MIR17HG: variants seen among roughly 807,000 people sequenced by gnomAD.
MIR17HG encodes miR-17-92a-1 cluster host gene, also known as MIR17 host gene (non-protein coding).
chr13:91,350,327 TGGGAGA>T, intron 3 of MIR17HG: 1 of 269,966 alleles, frequency 3.7e-6, no homozygotes, highest in South Asian at 4.0e-5. Flanking sequence ...TCAATCCATT[TGGGAGA>T]GGCCAGCCAT....
At chr13:91,349,987 G>A (rs1173013932) in intron 2 of MIR17HG, 1 of 152,468 alleles carries the variant, frequency 6.6e-6, no homozygotes, top group Non-Finnish European at 1.5e-5. Flanking sequence ...TTTGGAAACT[G>A]GCTTATGCAG....
intron 1 of MIR17HG, among the ~76,000 whole-genome samples, chr13:91,349,403 G>A (rs773437417): frequency 1.6e-4 from 24 of 152,122 alleles, no homozygotes; most frequent in Non-Finnish European, 2.9e-4. Flanking sequence ...CCTTTTACTG[G>A]AGCTGTACAG....
At chr13:91,350,698 G>A (rs374971257) in intron 3 of MIR17HG, 9 of 533,938 alleles carry the variant, frequency 1.7e-5, no homozygotes, top group Non-Finnish European at 2.3e-5. Flanking sequence ...CAGCTGCCTC[G>A]GGAAGCCAAG....
intron 3 of MIR17HG, chr13:91,351,376 G>A (rs1355906315): frequency 1.9e-6 from 1 of 522,580 alleles, no homozygotes. Flanking sequence ...CACTTGTCCC[G>A]GCCTGTTGAG....
At chr13:91,349,001 C>A (rs1875130600) in intron 1 of MIR17HG, among the ~76,000 whole-genome samples, 1 of 149,096 alleles carries the variant, frequency 6.7e-6, no homozygotes, top group Non-Finnish European at 1.5e-5. Context: ...CGCCGGTCGC[C>A]GCGCGGCTGC....
At chr13:91,352,884 G>C (rs1271117159) in intron 3 of MIR17HG, among the ~76,000 whole-genome samples, 2 of 151,928 alleles carry the variant, frequency 1.3e-5, no homozygotes, top group Non-Finnish European at 2.9e-5. Flanking sequence ...TGAGGCAGAC[G>C]GATTACCTGA....
At chr13:91,353,259 T>C (rs1390753959) in intron 3 of MIR17HG, among the ~76,000 whole-genome samples, 3 of 152,156 alleles carry the variant, frequency 2.0e-5, no homozygotes, top group Non-Finnish European at 2.9e-5. Flanking sequence ...TTCTTAAATA[T>C]TCTAAAATGT....
chr13:91,348,048 C>G (rs1474689112), intron 1 of MIR17HG: 2 of 149,776 alleles, frequency 1.3e-5, no homozygotes, highest in African/African-American at 2.4e-5. Context: ...CCGGGGCGGA[C>G]TGGCCCGGGG....
chr13:91,349,027 T>TG (rs148606845), intron 1 of MIR17HG, among the ~76,000 whole-genome samples: 1,666 of 151,126 alleles, frequency 0.011, 32 homozygotes, highest in African/African-American at 0.039. Flanking sequence ...GGAAACGGGT[T>TG]GGGGGGGTTG....
chr13:91,353,780 CTTTT>C (rs60480664), intron 3 of MIR17HG, among the ~76,000 whole-genome samples: 1 of 137,132 alleles, frequency 7.3e-6, no homozygotes. Flanking sequence ...AATGGGTCAA[CTTTT>C]TTTTTTTTTT....
chr13:91,351,473 A>T, intron 3 of MIR17HG: 2 of 432,270 alleles, frequency 4.6e-6, no homozygotes, highest in South Asian at 3.5e-5. Flanking sequence ...AAGATACATG[A>T]AATATTAAAG....
intron 3 of MIR17HG, chr13:91,350,319 A>G (rs1182516208): frequency 4.1e-6 from 1 of 244,568 alleles, no homozygotes; most frequent in Non-Finnish European, 8.3e-6. Context: ...TCTATGTGTC[A>G]ATCCATTTGG....
chr13:91,351,021 T>G (rs755002909), intron 3 of MIR17HG: 3 of 528,488 alleles, frequency 5.7e-6, no homozygotes, highest in Non-Finnish European at 1.2e-5. Flanking sequence ...ACTTTTATTG[T>G]GTCGATGTAG....
At chr13:91,351,829 G>A (rs527793718) in intron 3 of MIR17HG, 1 of 159,872 alleles carries the variant, frequency 6.3e-6, no homozygotes, top group African/African-American at 2.4e-5. Flanking sequence ...GTTTTTTTAA[G>A]CATGGAATTT....
In MIR17HG at chr13:91,348,094, C is replaced by T. The variant is rs555272991; in HGVS notation, n.140+135C>T. The T allele has an allele frequency of 8.5e-5, 12 of 141,486 alleles. No homozygotes were observed. In the South Asian group the frequency reaches 2.1e-3, roughly 25 times the overall value. The allele number at this position is 141,486 out of a possible 1,614,324, so 8.8% of individuals were successfully genotyped here. On this transcript the variant is annotated intron_variant and non_coding_transcript_variant, in intron 1 of 3. Transcript: ENST00000400282. ...GCGGCGGCGTGGCCGGGGCGGGTCT[C>T]GGCCGTTGGCCGCCCCGGCGTGTGG...
chr13:91,354,131 A>C (rs1875458070), exon 4 of MIR17HG: 1 of 152,370 alleles, frequency 6.6e-6, no homozygotes, highest in African/African-American at 2.4e-5. Flanking sequence ...AGAGCCTCTC[A>C]ACTGAGCAGT....
intron 3 of MIR17HG, chr13:91,351,292 A>G (rs1566344733): frequency 1.9e-6 from 1 of 531,652 alleles, no homozygotes. Context: ...AGTCTGTAGA[A>G]AAGTAAGGGA....
At chr13:91,352,739 GC>G (rs563834652) in intron 3 of MIR17HG, among the ~76,000 whole-genome samples, 66 of 152,278 alleles carry the variant, frequency 4.3e-4, no homozygotes, top group African/African-American at 1.5e-3. Flanking sequence ...GAGTTCTTAA[GC>G]TTTTTGAATT....
At chr13:91,352,172 A>G (rs1875348904) in intron 3 of MIR17HG, 1 of 152,178 alleles carries the variant, frequency 6.6e-6, no homozygotes, top group Non-Finnish European at 1.5e-5. Context: ...TCCCTACGTA[A>G]GCCAGACTTT....
Sources: allele counts gnomAD v4.1 joint callset (sites outside exome capture counted in the v4.1 genomes callset), GRCh38; gene constraint gnomAD v4.1.1; transcripts MANE v1.5; gene names NCBI Gene and HGNC (gene_info 2026-07-23, HGNC 2026-07-21).